NREP: variants seen among roughly 807,000 people sequenced by gnomAD.
NREP encodes the protein neuronal regeneration-related protein.
NREP carries 5 observed loss-of-function variants against 8.6 expected under a neutral mutation model. The observed-to-expected ratio is 0.58, with a 90% confidence interval of 0.30 to 1.22. The LOEUF (loss-of-function observed/expected upper bound fraction) is 1.22, where lower values mean the gene tolerates loss of function less well. NREP is among the 50% of genes most tolerant of loss of function. The probability of loss-of-function intolerance (pLI) is 0.07; values close to 1 mark genes in which losing one functional copy is unlikely to be tolerated. For missense variants in NREP, 86 were observed against 82.5 expected, an observed-to-expected ratio of 1.04 and a Z score of -0.17; for synonymous variants, 27 against 28.0, an observed-to-expected ratio of 0.96 and a Z score of 0.11.
intron 2 of NREP, among the ~76,000 whole-genome samples, chr5:111,818,504 A>G (rs1752444112): frequency 6.6e-6 from 1 of 152,188 alleles, no homozygotes; most frequent in South Asian, 2.1e-4. Flanking sequence ...TTCTGTGGCC[A>G]GTGACTTTCA....
chr5:111,966,693 GA>G, intron 2 of NREP, among the ~76,000 whole-genome samples: 1 of 152,082 alleles, frequency 6.6e-6, no homozygotes, highest in Middle Eastern at 3.2e-3. Flanking sequence ...TTATCAAACA[GA>G]AAATGAAGGC....
At chr5:111,740,749 A>G (rs553074688) in intron 2 of NREP, among the ~76,000 whole-genome samples, 4 of 152,202 alleles carry the variant, frequency 2.6e-5, no homozygotes, top group Non-Finnish European at 5.9e-5. Context: ...TTATTTTTCA[A>G]TGGCATGGTC....
chr5:111,938,782 T>C (rs78374512), intron 2 of NREP, among the ~76,000 whole-genome samples: 1 of 152,202 alleles, frequency 6.6e-6, no homozygotes, highest in African/African-American at 2.4e-5. Context: ...TTGTTCTTGA[T>C]CAACAGCTTA....
At chr5:111,733,152 C>CATTA (rs1273718959) in intron 3 of NREP, 5 of 152,204 alleles carry the variant, frequency 3.3e-5, no homozygotes, top group African/African-American at 1.2e-4. Context: ...TACATTTCTT[C>CATTA]ATTAATTATT....
intron 2 of NREP, among the ~76,000 whole-genome samples, chr5:111,741,824 T>G (rs58297048): frequency 1.2e-4 from 9 of 73,486 alleles, no homozygotes; most frequent in Admixed American, 5.1e-4. Flanking sequence ...AACACACACA[T>G]ACACACACAC....
At chr5:111,741,113 T>TAAAG (rs1255266412) in intron 2 of NREP, among the ~76,000 whole-genome samples, 1 of 152,194 alleles carries the variant, frequency 6.6e-6, no homozygotes, top group Non-Finnish European at 1.5e-5. Flanking sequence ...CCTATAGGGT[T>TAAAG]AAAGAATGCA....
intron 2 of NREP, among the ~76,000 whole-genome samples, chr5:111,746,727 A>ACTT (rs1344127898): frequency 1.3e-5 from 2 of 152,184 alleles, no homozygotes; most frequent in Non-Finnish European, 2.9e-5. Flanking sequence ...CAAAGAAAAT[A>ACTT]CTTTTACAAA....
chr5:111,920,244 C>T (rs1352198082), intron 2 of NREP, among the ~76,000 whole-genome samples: 1 of 152,016 alleles, frequency 6.6e-6, no homozygotes, highest in Non-Finnish European at 1.5e-5. Context: ...AATTGTGTCT[C>T]CCTGGTGCTG....
chr5:111,792,762 A>C (rs1751780619), intron 2 of NREP, among the ~76,000 whole-genome samples: 1 of 152,202 alleles, frequency 6.6e-6, no homozygotes, highest in Non-Finnish European at 1.5e-5. Flanking sequence ...ATAGAAAGAA[A>C]TTGGTTGAAT....
At chr5:111,811,016 A>G (rs1038795409) in intron 2 of NREP, among the ~76,000 whole-genome samples, 1 of 152,234 alleles carries the variant, frequency 6.6e-6, no homozygotes, top group African/African-American at 2.4e-5. Flanking sequence ...GGAGCTTTAC[A>G]TGAAGTAATT....
At chr5:111,735,546 C>G in intron 2 of NREP, 39 bp from the exon 3 acceptor site, 1 of 1,458,358 alleles carries the variant, frequency 6.9e-7, no homozygotes, top group Non-Finnish European at 9.6e-7. Context: ...AGATTAAAAA[C>G]AGGATCCACT....
chr5:111,817,451 T>G (rs1752409264), intron 2 of NREP, among the ~76,000 whole-genome samples: 1 of 152,188 alleles, frequency 6.6e-6, no homozygotes, highest in Non-Finnish European at 1.5e-5. Flanking sequence ...CTTTCTATTA[T>G]GATTTAATTT....
At chr5:111,804,882 G>T (rs1297750848) in intron 2 of NREP, among the ~76,000 whole-genome samples, 1 of 151,704 alleles carries the variant, frequency 6.6e-6, no homozygotes, top group East Asian at 1.9e-4. Flanking sequence ...GCGCCTGCAG[G>T]CCCAGCTACT....
chr5:111,802,561 T>C (rs2112905547), intron 2 of NREP, among the ~76,000 whole-genome samples: 1 of 152,346 alleles, frequency 6.6e-6, no homozygotes, highest in African/African-American at 2.4e-5. Context: ...ATCAGCATTG[T>C]ATTTTTTTAA....
At chr5:111,825,861 G>A (rs1752610515) in intron 2 of NREP, among the ~76,000 whole-genome samples, 3 of 151,976 alleles carry the variant, frequency 2.0e-5, no homozygotes, top group Admixed American at 2.0e-4. Context: ...TAATATTCAG[G>A]TCTCCCTCAG....
At chr5:111,975,616 G>A (rs1475970774) in intron 1 of NREP, among the ~76,000 whole-genome samples, 1 of 152,140 alleles carries the variant, frequency 6.6e-6, no homozygotes, top group African/African-American at 2.4e-5. Flanking sequence ...TCTAAAAAAG[G>A]TGTTTGACAA....
At chr5:111,755,886 G>A (rs899233103) in intron 1 of NREP, 56 bp from the exon 2 acceptor site, 15 of 1,592,022 alleles carry the variant, frequency 9.4e-6, no homozygotes, top group South Asian at 5.7e-5. Flanking sequence ...GTCAGCAAAC[G>A]AAAAATGCCT....
chr5:111,758,005 A>T, upstream of NREP: 1 of 985,472 alleles, frequency 1.0e-6, no homozygotes, highest in Non-Finnish European at 1.2e-6. Context: ...CCTTCCTTTT[A>T]TGTGCCTGTC....
chr5:111,829,983 G>T (rs1387071974), intron 2 of NREP, among the ~76,000 whole-genome samples: 1 of 152,072 alleles, frequency 6.6e-6, no homozygotes, highest in African/African-American at 2.4e-5. Flanking sequence ...TTTCCCAAAA[G>T]AATCTAGACA....
Sources: allele counts gnomAD v4.1 joint callset (sites outside exome capture counted in the v4.1 genomes callset), GRCh38; gene constraint gnomAD v4.1.1; transcripts MANE v1.5; gene names NCBI Gene and HGNC (gene_info 2026-07-23, HGNC 2026-07-21).